Variants in ANO4 observed in about 807,000 individuals in gnomAD.
ANO4 encodes the protein anoctamin-4.
ANO4 carries 69 observed loss-of-function variants against 141.9 expected under a neutral mutation model. That is an observed-to-expected ratio of 0.49 (90% confidence interval 0.40 to 0.59). The LOEUF is 0.59. Ranked by LOEUF, ANO4 falls within the 20% of genes least tolerant of loss-of-function variation. The pLI is 0.00. For synonymous variants in ANO4, 350 were observed against 394.3 expected (o/e 0.89, Z 1.33); for missense variants, 894 against 1,162.2 (o/e 0.77, Z 3.36).
At chr12:101,071,052 A>T (rs2048788626) in intron 14 of ANO4, among the ~76,000 whole-genome samples, 1 of 152,178 alleles carries the variant, frequency 6.6e-6, no homozygotes, top group African/African-American at 2.4e-5. Context: ...AAGAGGGAAC[A>T]TTTCTACACT....
At chr12:100,859,264 C>A (rs957098058) in intron 1 of ANO4, 1 of 152,158 alleles carries the variant, frequency 6.6e-6, no homozygotes, top group African/African-American at 2.4e-5. Context: ...ACAGGTGTCA[C>A]TTCTGAGAAG....
chr12:101,069,060 G>A, intron 14 of ANO4: 1 of 906,466 alleles, frequency 1.1e-6, no homozygotes, highest in South Asian at 1.3e-5. Flanking sequence ...GAGGAGTGCT[G>A]CCAGAAATTT....
At chr12:100,743,664 G>A (rs561836762) in intron 3 of ANO4, among the ~76,000 whole-genome samples, 1 of 152,182 alleles carries the variant, frequency 6.6e-6, no homozygotes, top group Non-Finnish European at 1.5e-5. Context: ...ACTCCTTCTT[G>A]CTTAGTAAGT....
chr12:101,067,984 T>C (rs2048659483), intron 14 of ANO4, among the ~76,000 whole-genome samples: 1 of 152,204 alleles, frequency 6.6e-6, no homozygotes, highest in African/African-American at 2.4e-5. Context: ...CATTGGTGTT[T>C]AGCATTTGTT....
intron 1 of ANO4, among the ~76,000 whole-genome samples, chr12:100,796,036 A>AT (rs34968573): frequency 0.39 from 55,761 of 141,434 alleles, 11,379 homozygotes; most frequent in Middle Eastern, 0.51. Flanking sequence ...CTTAACAGGG[A>AT]TTTTTTTTTT....
At chr12:100,749,209 A>G (rs2032251685) in intron 3 of ANO4, among the ~76,000 whole-genome samples, 1 of 152,110 alleles carries the variant, frequency 6.6e-6, no homozygotes, top group Non-Finnish European at 1.5e-5. Flanking sequence ...CAATAGAGGT[A>G]TTGCCGCACA....
chr12:100,736,471 G>A (rs1426348216), intron 2 of ANO4, among the ~76,000 whole-genome samples: 3 of 152,140 alleles, frequency 2.0e-5, no homozygotes, highest in Admixed American at 1.3e-4. Context: ...TTTGAGCCCA[G>A]GTCATTGGGC....
At chr12:100,809,411 C>T (rs12423945) in intron 1 of ANO4, among the ~76,000 whole-genome samples, 17,173 of 149,774 alleles carry the variant, frequency 0.11, 1,365 homozygotes, top group East Asian at 0.38. Flanking sequence ...GGGTAATGTG[C>T]TTTCATGAAA....
intron 3 of ANO4, among the ~76,000 whole-genome samples, chr12:100,776,508 C>T (rs2033509247): frequency 6.6e-6 from 1 of 152,120 alleles, no homozygotes; most frequent in Non-Finnish European, 1.5e-5. Context: ...TTGGGGGATA[C>T]AGGGGCAAGG....
At chr12:100,909,700 T>C (rs193228184) in intron 2 of ANO4, among the ~76,000 whole-genome samples, 2 of 152,204 alleles carry the variant, frequency 1.3e-5, no homozygotes, top group South Asian at 2.1e-4. Context: ...ACCATTCAGA[T>C]GCAGGAAAGA....
At chr12:101,000,191 T>C (rs1004531935) in intron 8 of ANO4, among the ~76,000 whole-genome samples, 9 of 152,080 alleles carry the variant, frequency 5.9e-5, no homozygotes, top group Non-Finnish European at 1.3e-4. Flanking sequence ...AAAGTTGCAG[T>C]TGGTGTGTAA....
chr12:100,759,014 C>T (rs565695482), intron 3 of ANO4, among the ~76,000 whole-genome samples: 2 of 152,216 alleles, frequency 1.3e-5, no homozygotes, highest in Admixed American at 1.3e-4. Flanking sequence ...TGTGCAAAGA[C>T]CCTTGTTCAA....
intron 9 of ANO4, among the ~76,000 whole-genome samples, chr12:101,034,081 G>T (rs541348191): frequency 6.6e-6 from 1 of 152,290 alleles, no homozygotes; most frequent in Non-Finnish European, 1.5e-5. Flanking sequence ...ACAGTGTGGG[G>T]ATTCCTCAAG....
At position 101,099,612 on chromosome 12, in the gene ANO4, C is replaced by A. The variant is rs748040220; in HGVS notation, c.2041C>A (p.Arg681=). ...GAATTGGTGGACTAGAAGAAAAGTA[C>A]GACAAGAACATGGACCTGAAAGGAA... ...IQNWWTRRKV[R]QEHGPERKIS... is the part of the protein sequence containing the mutation. The change falls in exon 22 of 28, where the codon CGA becomes AGA. Residue 681 remains arginine, a synonymous_variant. Transcript: ENST00000392977. The A allele has an allele frequency of 4.4e-6, 7 of 1,603,318 alleles. No individual in the cohort carries two copies. Among genetic ancestry groups the A allele is most frequent in the Non-Finnish European group, 4.2e-6 (5 of 1,177,312 alleles).
chr12:100,871,180 G>C (rs527477304), intron 1 of ANO4, among the ~76,000 whole-genome samples: 2 of 152,066 alleles, frequency 1.3e-5, no homozygotes, highest in Non-Finnish European at 2.9e-5. Flanking sequence ...AAAGAAAGAA[G>C]GTCATTTATC....
chr12:100,874,195 A>G (rs1235774680), intron 1 of ANO4, among the ~76,000 whole-genome samples: 5 of 152,234 alleles, frequency 3.3e-5, no homozygotes, highest in Non-Finnish European at 5.9e-5. Flanking sequence ...GAGAACCTCT[A>G]CTAGGGCAGT....
At chr12:100,774,871 A>G (rs574685244) in intron 3 of ANO4, among the ~76,000 whole-genome samples, 3 of 152,328 alleles carry the variant, frequency 2.0e-5, no homozygotes, top group African/African-American at 7.2e-5. Flanking sequence ...GTAGGAAATA[A>G]CTTAACTGCC....
In ANO4 at chr12:100,754,158, A is replaced by G. The variant is rs191300793; in HGVS notation, c.358+14053A>G. On this transcript the variant is annotated intron_variant, in intron 3 of 29. Coordinates refer to the ANO4 transcript ENST00000644049. ...TGACTCTCTCTTTTAGAAGCTCAGTATCTAGCAAAGGAGGTGAACTGTGAA... is the reference window on the plus strand; with the variant it reads ...TGACTCTCTCTTTTAGAAGCTCAGTGTCTAGCAAAGGAGGTGAACTGTGAA... 6.6e-5 allele frequency among the ~76,000 whole-genome samples: 10 copies of G among 152,374 alleles called. No individual in the cohort carries two copies. The East Asian group carries it at 1.7e-3, about 26-fold the overall frequency.
chr12:100,910,677 C>T (rs2041061644), intron 2 of ANO4, among the ~76,000 whole-genome samples: 1 of 152,102 alleles, frequency 6.6e-6, no homozygotes, highest in East Asian at 1.9e-4. Flanking sequence ...ATTATCCCAG[C>T]TAATGACTAT....
Sources: allele counts gnomAD v4.1 joint callset (sites outside exome capture counted in the v4.1 genomes callset), GRCh38; gene constraint gnomAD v4.1.1; transcripts MANE v1.5; gene names NCBI Gene and HGNC (gene_info 2026-07-23, HGNC 2026-07-21).